Variants in SYT16 observed in about 807,000 individuals in gnomAD.
SYT16 encodes the protein synaptotagmin 16.
In SYT16, 42 loss-of-function variants were observed where a neutral mutation model predicts 61.4. The ratio of observed to expected loss-of-function variants is 0.68; its 90% CI spans 0.53 to 0.89. The LOEUF (loss-of-function observed/expected upper bound fraction) is 0.89, where lower values mean the gene tolerates loss of function less well. Among genes scored for constraint, SYT16 ranks in the 40% least tolerant of loss-of-function variants. The pLI, the probability that SYT16 is intolerant of heterozygous loss-of-function variation, is 0.00. For missense variants in SYT16, 804 were observed against 807.3 expected, an observed-to-expected ratio of 1.00 and a Z score of 0.05; for synonymous variants, 314 against 302.3, an observed-to-expected ratio of 1.04 and a Z score of -0.40.
chr14:62,057,823 TA>T (rs572891395), intron 3 of SYT16, among the ~76,000 whole-genome samples: 56 of 152,272 alleles, frequency 3.7e-4, no homozygotes, highest in African/African-American at 1.3e-3. Flanking sequence ...ATACATAAAG[TA>T]TACAAGTTGA....
intron 2 of SYT16, among the ~76,000 whole-genome samples, chr14:61,991,950 G>GTTCGTTCA (rs1168996907): frequency 5.1e-4 from 76 of 149,276 alleles, no homozygotes; most frequent in African/African-American, 1.4e-3. Flanking sequence ...AACTTTGTTC[G>GTTCGTTCA]TTCATTCATT....
At chr14:61,962,897 T>C (rs1389149198) in intron 1 of SYT16, among the ~76,000 whole-genome samples, 1 of 152,176 alleles carries the variant, frequency 6.6e-6, no homozygotes, top group Admixed American at 6.5e-5. Context: ...CACATATTGT[T>C]TTCCTGATTT....
chr14:61,885,765 T>A (rs1322199718), intron 1 of SYT16, among the ~76,000 whole-genome samples: 1 of 152,232 alleles, frequency 6.6e-6, no homozygotes, highest in African/African-American at 2.4e-5. Context: ...TACACTATTA[T>A]GTAATCTATT....
At chr14:61,863,118 C>T (rs1308463918) in intron 1 of SYT16, among the ~76,000 whole-genome samples, 1 of 152,196 alleles carries the variant, frequency 6.6e-6, no homozygotes, top group African/African-American at 2.4e-5. Flanking sequence ...TATATTTTCA[C>T]GTCCTTTGGG....
chr14:61,930,621 C>T (rs2049726518), intron 1 of SYT16, among the ~76,000 whole-genome samples: 1 of 151,992 alleles, frequency 6.6e-6, no homozygotes, highest in South Asian at 2.1e-4. Context: ...ATCCTAATCC[C>T]CAGGACCCAT....
intron 1 of SYT16, among the ~76,000 whole-genome samples, chr14:61,834,776 T>TATA (rs2046072218): frequency 6.6e-6 from 1 of 152,168 alleles, no homozygotes; most frequent in Non-Finnish European, 1.5e-5. Flanking sequence ...CATCCATCTA[T>TATA]CCAGTTGTAC....
At chr14:62,010,053 A>G (rs2053381768) in intron 3 of SYT16, among the ~76,000 whole-genome samples, 2 of 152,220 alleles carry the variant, frequency 1.3e-5, no homozygotes, top group South Asian at 4.1e-4. Flanking sequence ...CCTCTGTTGA[A>G]ATAATTTCTG....
intron 1 of SYT16, among the ~76,000 whole-genome samples, chr14:61,936,280 A>G (rs930764847): frequency 6.6e-6 from 1 of 152,164 alleles, no homozygotes; most frequent in Non-Finnish European, 1.5e-5. Flanking sequence ...TTCCATAGCA[A>G]TGCATGAGGA....
chr14:61,898,766 C>T (rs1176968695), intron 1 of SYT16, among the ~76,000 whole-genome samples: 3 of 152,140 alleles, frequency 2.0e-5, no homozygotes, highest in South Asian at 4.1e-4. Context: ...AGTGTGCCAA[C>T]ATCTCACTCC....
chr14:61,835,322 G>A (rs1172105183), intron 1 of SYT16, among the ~76,000 whole-genome samples: 2 of 147,346 alleles, frequency 1.4e-5, no homozygotes, highest in African/African-American at 2.5e-5. Context: ...GCAGTGGCGC[G>A]GTCTCGGCTC....
At position 62,111,989 on chromosome 14, in the gene SYT16, A is replaced by G. The variant is rs2057616893; in HGVS notation, c.*11282A>G. 6.6e-6 allele frequency: 1 copy of G among 152,142 alleles called. No homozygotes were observed. Among genetic ancestry groups the G allele is most frequent in the Non-Finnish European group, 1.5e-5 (1 of 67,966 alleles). 9.4% of individuals were successfully genotyped at this position (152,142 alleles called of 1,614,324 possible). A position where few individuals can be genotyped will look rare whatever the true frequency, so the allele number is the denominator to read the frequency against. ...CCATCCTATTTCTAAATTTACTTCT[A>G]TCAGTGGATAATTTGTGTATAGGAA... On this transcript the variant is annotated 3_prime_UTR_variant, in exon 8 of 8. Coordinates refer to ENST00000683842, the MANE Select transcript of SYT16 (RefSeq NM_001367656.1).
intron 1 of SYT16, among the ~76,000 whole-genome samples, chr14:61,957,357 CTCATAGTATGG>C (rs1743196716): frequency 1.3e-5 from 2 of 151,886 alleles, no homozygotes; most frequent in South Asian, 4.1e-4. Flanking sequence ...TATATTGGAG[CTCATAGTATGG>C]TCATCCTTGT....
At chr14:61,961,937 T>C (rs779208209) in intron 1 of SYT16, among the ~76,000 whole-genome samples, 1 of 152,138 alleles carries the variant, frequency 6.6e-6, no homozygotes, top group Non-Finnish European at 1.5e-5. Flanking sequence ...TACATAGCCA[T>C]AGAAAAGAAT....
chr14:62,016,539 CAAA>C (rs10610233), intron 3 of SYT16, among the ~76,000 whole-genome samples: 42 of 97,266 alleles, frequency 4.3e-4, no homozygotes, highest in African/African-American at 1.3e-3. Flanking sequence ...TCTAAAAATA[CAAA>C]AAAAAAAAAA....
chr14:61,946,641 G>T (rs2050449773), intron 1 of SYT16, among the ~76,000 whole-genome samples: 1 of 152,134 alleles, frequency 6.6e-6, no homozygotes, highest in African/African-American at 2.4e-5. Flanking sequence ...TGATGGAAAT[G>T]GCAATTTTGC....
At chr14:61,879,363 G>C (rs923971517) in intron 1 of SYT16, among the ~76,000 whole-genome samples, 31 of 152,100 alleles carry the variant, frequency 2.0e-4, no homozygotes, top group African/African-American at 7.0e-4. Flanking sequence ...TTCAGCCAAG[G>C]GTGCTTGTCA....
intron 3 of SYT16, among the ~76,000 whole-genome samples, chr14:61,998,511 T>C (rs117048632): frequency 0.028 from 4,276 of 152,134 alleles, 75 homozygotes; most frequent in Admixed American, 0.04. Context: ...ATCCATGGTG[T>C]TGTGTGTTTC....
intron 3 of SYT16, among the ~76,000 whole-genome samples, chr14:62,059,390 G>A (rs1043595922): frequency 1.3e-5 from 2 of 151,932 alleles, no homozygotes; most frequent in African/African-American, 4.8e-5. Context: ...AATTTTGTTG[G>A]TTGTGTTATT....
chr14:61,923,767 G>T (rs906833774), intron 1 of SYT16, among the ~76,000 whole-genome samples: 18 of 151,704 alleles, frequency 1.2e-4, no homozygotes, highest in Admixed American at 8.5e-4. Context: ...CTAGTATTTG[G>T]TTTTTTAAAA....
Sources: allele counts gnomAD v4.1 joint callset (sites outside exome capture counted in the v4.1 genomes callset), GRCh38; gene constraint gnomAD v4.1.1; transcripts MANE v1.5; gene names NCBI Gene and HGNC (gene_info 2026-07-23, HGNC 2026-07-21).